PCM1: variants seen among roughly 807,000 people sequenced by gnomAD.
PCM1 encodes pericentriolar material 1 protein.
Under a neutral mutation model 241.9 loss-of-function variants are expected in PCM1, and 157 were observed. The observed-to-expected ratio is 0.65, with a 90% CI of 0.57 to 0.74. The LOEUF (loss-of-function observed/expected upper bound fraction) is 0.74, where lower values mean the gene tolerates loss of function less well. Among genes scored for constraint, PCM1 ranks in the 30% least tolerant of loss-of-function variants. The pLI is 0.00. For synonymous variants in PCM1, 1,085 were observed against 784.9 expected (o/e 1.38, Z -6.39); for missense variants, 3,478 against 2,360.1 (o/e 1.47, Z -9.81).
chr8:18,001,618 G>A (rs1007407636), intron 29 of PCM1, among the ~76,000 whole-genome samples: 4 of 152,202 alleles, frequency 2.6e-5, no homozygotes, highest in African/African-American at 9.6e-5. Context: ...ACAATTAGAA[G>A]TGAAAAGTAA....
chr8:17,966,940 A>G (rs772967487), intron 20 of PCM1, 40 bp from the exon 21 acceptor site: 45 of 1,523,316 alleles, frequency 3.0e-5, no homozygotes, highest in Middle Eastern at 1.7e-4. Flanking sequence ...ATATATGGCA[A>G]TATAACTGAT....
chr8:17,961,659 A>G (rs1295729530), intron 15 of PCM1, among the ~76,000 whole-genome samples: 1 of 152,176 alleles, frequency 6.6e-6, no homozygotes, highest in East Asian at 1.9e-4. Flanking sequence ...AAGAAAGGAA[A>G]ACAGGGCAAC....
intron 29 of PCM1, among the ~76,000 whole-genome samples, chr8:17,996,103 G>A (rs1037256496): frequency 6.6e-6 from 1 of 152,110 alleles, no homozygotes; most frequent in Non-Finnish European, 1.5e-5. Context: ...GGACATCCTT[G>A]TTGTGTTCCA....
intron 26 of PCM1, 34 bp downstream of exon 26, chr8:17,986,121 A>T (rs1182162474): frequency 7.1e-7 from 1 of 1,402,118 alleles, no homozygotes; most frequent in East Asian, 2.5e-5. Context: ...TTGTAGATAT[A>T]ATTTTAGTAT....
At chr8:18,004,411 G>A (rs1056035205) in intron 29 of PCM1, among the ~76,000 whole-genome samples, 21 of 152,120 alleles carry the variant, frequency 1.4e-4, no homozygotes, top group Non-Finnish European at 2.9e-4. Context: ...CATATCTAGA[G>A]TTACCTAAAT....
At chr8:17,981,824 A>G (rs191604120) in intron 24 of PCM1, among the ~76,000 whole-genome samples, 2 of 152,192 alleles carry the variant, frequency 1.3e-5, no homozygotes, top group Admixed American at 1.3e-4. Context: ...AACTGGTACA[A>G]CTTTCCTGGA....
At chr8:17,965,066 C>G (rs548232810) in intron 18 of PCM1, among the ~76,000 whole-genome samples, 97 of 152,150 alleles carry the variant, frequency 6.4e-4, no homozygotes, top group African/African-American at 2.2e-3. Context: ...TTTGCTAGAA[C>G]AACTCACGAA....
chr8:18,014,113 ACACACAG>A, intron 35 of PCM1, 77 bp downstream of exon 35: 1 of 809,992 alleles, frequency 1.2e-6, no homozygotes, highest in Non-Finnish European at 1.9e-6. Flanking sequence ...AAAAAAAAAC[ACACACAG>A]AAAACACTAA....
In PCM1 at chr8:17,953,232, A is replaced by G. The variant is rs749194549; in HGVS notation, c.1288+46A>G. On this transcript the variant is annotated intron_variant, in intron 9 of 38. Coordinates refer to ENST00000325083, the MANE Select transcript of PCM1 (RefSeq NM_006197.4). ...AGTATTGGGTATAAGACACACAAGT[A>G]TATATACTGTCACATAATAAATTTA... 1.0e-5 allele frequency: 9 copies of G among 899,266 alleles called. No individual in the cohort carries two copies. The African/African-American group carries it at 1.2e-4, about 12-fold the overall frequency. The allele number at this position is 899,266 out of a possible 1,614,324, so 55.7% of individuals were successfully genotyped here. A position where few individuals can be genotyped will look rare whatever the true frequency, so the allele number is the denominator to read the frequency against.
intron 4 of PCM1, 49 bp downstream of exon 4, chr8:17,937,428 G>C (rs1323249138): frequency 1.4e-6 from 2 of 1,414,806 alleles, no homozygotes; most frequent in African/African-American, 2.9e-5. Context: ...AGAAATACTT[G>C]AAATGGATTA....
intron 13 of PCM1, among the ~76,000 whole-genome samples, chr8:17,958,063 C>G (rs1053450794): frequency 5.3e-5 from 8 of 152,044 alleles, no homozygotes; most frequent in African/African-American, 1.7e-4. Flanking sequence ...TGATTATTTG[C>G]CAATATAGCT....
At chr8:18,025,492 C>G in intron 37 of PCM1, 39 bp downstream of exon 37, 1 of 1,518,430 alleles carries the variant, frequency 6.6e-7, no homozygotes, top group Non-Finnish European at 9.1e-7. Flanking sequence ...CTTTACATAA[C>G]AAATACTGTT....
intron 2 of PCM1, among the ~76,000 whole-genome samples, chr8:17,931,955 C>T (rs2059161321): frequency 6.6e-6 from 1 of 152,096 alleles, no homozygotes; most frequent in Admixed American, 6.5e-5. Context: ...TCACCAGTGC[C>T]TACCCTGTAA....
Position 17,966,181 on chromosome 8 carries a change from G to T in PCM1, c.3038G>T (p.Ser1013Ile), listed in dbSNP as rs2074805096. ...CAGCTAAAGAAACAGCTTGATTTTA[G>T]TGTCAGTATTTGTCAGACTTTGATG... ...INQLKKQLDFSVSICQTLMQD... is the reference protein window; with the variant it reads ...INQLKKQLDFIVSICQTLMQD... The change falls in exon 19 of 39, where the codon AGT becomes ATT. Residue 1013 changes from serine (S) to isoleucine (I), a missense_variant. Physicochemically the swap from Ser to Ile is moderately radical, Grantham distance 142. Coordinates refer to ENST00000325083, the MANE Select transcript of PCM1 (RefSeq NM_006197.4). 6.2e-7 allele frequency: 1 copy of T among 1,613,900 alleles called. No individual in the cohort carries two copies. The highest frequency in any genetic ancestry group is 8.5e-7 in the Non-Finnish European group (1 of 1,179,806).
intron 23 of PCM1, among the ~76,000 whole-genome samples, chr8:17,977,580 A>G (rs1270349134): frequency 6.6e-6 from 1 of 152,146 alleles, no homozygotes; most frequent in African/African-American, 2.4e-5. Flanking sequence ...GCTATGTTGG[A>G]GGAGATCCTT....
At chr8:17,974,095 T>C (rs749223155) in intron 23 of PCM1, among the ~76,000 whole-genome samples, 5 of 152,198 alleles carry the variant, frequency 3.3e-5, no homozygotes, top group Non-Finnish European at 5.9e-5. Context: ...AGAGGTGACA[T>C]TTTTCTTAGC....
intron 8 of PCM1, among the ~76,000 whole-genome samples, chr8:17,951,422 T>G (rs898778854): frequency 6.6e-6 from 1 of 152,202 alleles, no homozygotes; most frequent in Non-Finnish European, 1.5e-5. Context: ...GGGGCCTACT[T>G]TAGAGAAACT....
In PCM1 at chr8:17,957,586, A is replaced by G. The variant is rs758477037; in HGVS notation, c.1851A>G (p.Gln617=). 13 of 1,572,874 alleles carry G rather than the reference A, an allele frequency of 8.3e-6. No individual in the cohort carries two copies. The highest frequency in any genetic ancestry group is 1.7e-4 in the Middle Eastern group (1 of 6,012). ...GGGAACAGGAGATTCATGTTGCACA[A>G]GGTGAAGATGATGAGGAGGAGGAGG... ...REGEQEIHVA[Q]GEDDEEEEEE... is the part of the protein sequence containing the mutation. The change falls in exon 13 of 39, where the codon CAA becomes CAG. Residue 617 remains glutamine, a synonymous_variant. Transcript: ENST00000325083.
At chr8:18,007,212 A>T (rs1358300003) in intron 30 of PCM1, among the ~76,000 whole-genome samples, 3 of 152,056 alleles carry the variant, frequency 2.0e-5, no homozygotes, top group Non-Finnish European at 4.4e-5. Flanking sequence ...TCTCATCTTT[A>T]TTACAGAATT....
Sources: allele counts gnomAD v4.1 joint callset (sites outside exome capture counted in the v4.1 genomes callset), GRCh38; gene constraint gnomAD v4.1.1; transcripts MANE v1.5; gene names NCBI Gene and HGNC (gene_info 2026-07-23, HGNC 2026-07-21).